The following NIT1 variants were observed in gnomAD, a reference collection of about 807,000 sequenced individuals.
The protein encoded by NIT1 is deaminated glutathione amidase.
A neutral mutation model predicts 36.8 loss-of-function variants in NIT1; 30 were observed. The ratio of observed to expected loss-of-function variants is 0.82; its 90% CI spans 0.61 to 1.11. The LOEUF (loss-of-function observed/expected upper bound fraction) is 1.11. Among genes scored for constraint, NIT1 ranks in the 50% least tolerant of loss-of-function variants. The pLI, the probability that NIT1 is intolerant of heterozygous loss-of-function variation, is 0.00. For synonymous variants in NIT1, 151 were observed against 155.6 expected, an observed-to-expected ratio of 0.97 and a Z score of 0.22; for missense variants, 438 against 410.6, an observed-to-expected ratio of 1.07 and a Z score of -0.58.
In NIT1 at chr1:161,119,556, A is replaced by C; in HGVS notation, c.401A>C (p.Gln134Pro). Residue 134 changes from glutamine (Q) to proline (P), a missense_variant, in exon 4 of 7, where the codon CAA (glutamine) becomes CCA (proline). Physicochemically the swap from Gln to Pro is moderately conservative, Grantham distance 76. Coordinates refer to ENST00000368009, the MANE Select transcript of NIT1 (RefSeq NM_005600.3). ...TTGGGTGGTTTCCATGAGCGTGGCC[A>C]AGACTGGGAGCAGACTCAGAAAATC... ...LSLGGFHERG[Q>P]DWEQTQKIYN... is the part of the protein sequence containing the mutation. 1 of 1,614,182 alleles carries C rather than the reference A, an allele frequency of 6.2e-7. No homozygotes were observed. Among genetic ancestry groups the C allele is most frequent in the Non-Finnish European group, 8.5e-7 (1 of 1,180,038 alleles).
chr1:161,122,024 TAAAAAAA>T, downstream of NIT1: 2 of 1,068,152 alleles, frequency 1.9e-6, no homozygotes, highest in Non-Finnish European at 2.6e-6. The surrounding 1 kb of genome is among the most constrained non-coding windows in gnomAD (Gnocchi z 4.2). Context: ...TCTTTTTCTT[TAAAAAAA>T]AAAAAAAAAA....
At chr1:161,122,171 G>C, downstream of NIT1, 2 of 1,613,724 alleles carry the variant, frequency 1.2e-6, no homozygotes, top group Non-Finnish European at 1.7e-6. The surrounding 1 kb of genome is among the most constrained non-coding windows in gnomAD (Gnocchi z 4.2). Context: ...GCAGCATCAA[G>C]TTCCTCAGGA....
rs1458409049 is a variant in NIT1, at chr1:161,120,245, C to G, written c.717+13C>G. On this transcript the variant is annotated intron_variant, in intron 6 of 6. Coordinates refer to ENST00000368009, the MANE Select transcript of NIT1 (RefSeq NM_005600.3). ...AGCCCACTGGGAGGTAAGATGATGC[C>G]TTTTTAAAACATAAGGGCCTTTTCT... 6.2e-7 allele frequency: 1 copy of G among 1,613,554 alleles called. No individual in the cohort carries two copies.
At chr1:161,124,229 A>G (rs754825051), downstream of NIT1, 2 of 1,614,160 alleles carry the variant, frequency 1.2e-6, no homozygotes, top group African/African-American at 2.7e-5. Flanking sequence ...AGTTACTTTC[A>G]TCACAGCGGC....
chr1:161,124,111 T>G, downstream of NIT1: 1 of 1,597,656 alleles, frequency 6.3e-7, no homozygotes, highest in Non-Finnish European at 8.5e-7. Flanking sequence ...AACTCTTCCC[T>G]GATTCCAGCC....
chr1:161,118,698 G>A, intron 1 of NIT1, 88 bp from the exon 2 acceptor site: 9 of 1,462,742 alleles, frequency 6.2e-6, no homozygotes, highest in Non-Finnish European at 8.6e-6. Flanking sequence ...CCTGATTCAG[G>A]CTCACAGTAT....
chr1:161,122,023 T>G, downstream of NIT1: 2 of 1,162,896 alleles, frequency 1.7e-6, no homozygotes, highest in Non-Finnish European at 1.2e-6. The surrounding 1 kb of genome is among the most constrained non-coding windows in gnomAD (Gnocchi z 4.2). Context: ...GTCTTTTTCT[T>G]TAAAAAAAAA....
At chr1:161,125,442 A>G (rs1047220390), downstream of NIT1, 1 of 152,178 alleles carries the variant, frequency 6.6e-6, no homozygotes, top group Middle Eastern at 3.2e-3. Context: ...AGTTTCTACA[A>G]TAAGCATTCT....
downstream of NIT1, chr1:161,122,041 A>AT: frequency 5.5e-5 from 72 of 1,313,384 alleles, no homozygotes; most frequent in Middle Eastern, 2.8e-4. This position sits in a 1 kb window ranked among gnomAD's most constrained non-coding sequence, Gnocchi z 4.2. Flanking sequence ...AAAAAAAAAA[A>AT]GGCAGGGGTG....
chr1:161,120,083 T>C lies in NIT1; in HGVS notation c.592-24T>C, dbSNP rs751502368. On this transcript the variant is annotated intron_variant, in intron 5 of 6. Coordinates refer to ENST00000368009, the MANE Select transcript of NIT1 (RefSeq NM_005600.3). ...GTGACAAACAGAGCAGGAAGACTAC[T>C]AAGTAGGCTGTTTTTCATTCCAGAT... 1.5e-5 allele frequency: 25 copies of C among 1,613,986 alleles called. No homozygotes were observed. In the Middle Eastern group the frequency reaches 5.0e-4, roughly 32 times the overall value.
In NIT1 at chr1:161,120,768, C is replaced by T. The variant is rs1005089076; in HGVS notation, c.*3C>T. 3 of 1,611,972 alleles carry T rather than the reference C, an allele frequency of 1.9e-6. No homozygotes were observed. The highest frequency in any genetic ancestry group is 2.7e-5 in the African/African-American group (2 of 74,938). ...ATCTGGGTCACCCACTGTCTTAAGA[C>T]TTGACTTCTGTGAGTTTAGACCTGC... On this transcript the variant is annotated 3_prime_UTR_variant, in exon 7 of 7. Transcript: ENST00000368009.
chr1:161,124,504 C>A, downstream of NIT1: 1 of 1,566,372 alleles, frequency 6.4e-7, no homozygotes, highest in South Asian at 1.2e-5. Context: ...AATCCCTGCT[C>A]AGCAGCTGCA....
intron 6 of NIT1, 113 bp from the exon 7 acceptor site, chr1:161,120,386 C>G: frequency 6.9e-7 from 1 of 1,456,334 alleles, no homozygotes; most frequent in Admixed American, 1.9e-5. Context: ...TAAATCATTC[C>G]TAGGCAATTA....
At chr1:161,118,475 GA>G in intron 1 of NIT1, 1 of 1,536,190 alleles carries the variant, frequency 6.5e-7, no homozygotes, top group Middle Eastern at 1.7e-4. Flanking sequence ...AGAGTCTTGG[GA>G]AAACCAAGGA....
chr1:161,124,713 G>T, downstream of NIT1: 1 of 716,850 alleles, frequency 1.4e-6, no homozygotes, highest in Non-Finnish European at 2.0e-6. Flanking sequence ...TGTAATCCCA[G>T]CATTTTGGGA....
chr1:161,121,200 T>C (rs1045081340), downstream of NIT1: 27 of 1,022,466 alleles, frequency 2.6e-5, no homozygotes, highest in Non-Finnish European at 3.2e-5. Context: ...ACTCAGTGCA[T>C]GTCCCAGCCC....
Position 161,119,855 on chromosome 1 carries a change from G to A in NIT1, c.494G>A (p.Cys165Tyr). The A allele has an allele frequency of 6.2e-7, 1 of 1,612,036 alleles. No homozygotes were observed. Among genetic ancestry groups the A allele is most frequent in the East Asian group, 2.2e-5 (1 of 44,864 alleles). Residue 165 changes from cysteine (C) to tyrosine (Y), a missense_variant, in exon 5 of 7, where the codon TGT becomes TAT. Cys to Tyr is a radical substitution (Grantham distance 194). Transcript: ENST00000368009. ...GCCACTTACAGGAAGACACATCTGT[G>A]TGACGTAGAGATTCCAGGGCAGGGG... Reference protein sequence around the residue: ...VVATYRKTHLCDVEIPGQGPM... With the variant: ...VVATYRKTHLYDVEIPGQGPM...
chr1:161,123,014 A>G (rs762918432), downstream of NIT1: 1 of 1,614,196 alleles, frequency 6.2e-7, no homozygotes, highest in Non-Finnish European at 8.5e-7. Context: ...CCAGTGTCCC[A>G]GCAGTTCTTT....
chr1:161,120,917 G>T lies in NIT1; in HGVS notation c.*152G>T. Reference sequence around the variant, plus strand: ...TGATGGAACACAGATGGGCTGCTTGGGAAAGAAACTTTCACCTGAGCTTCA... The same window carrying T: ...TGATGGAACACAGATGGGCTGCTTGTGAAAGAAACTTTCACCTGAGCTTCA... On this transcript the variant is annotated 3_prime_UTR_variant, in exon 7 of 7. Transcript: ENST00000368009. 7.0e-7 allele frequency: 1 copy of T among 1,429,004 alleles called. No individual in the cohort carries two copies. The highest frequency in any genetic ancestry group is 9.1e-7 in the Non-Finnish European group (1 of 1,095,346). The allele number at this position is 1,429,004 out of a possible 1,614,324, so 88.5% of individuals were successfully genotyped here. A position where few individuals can be genotyped will look rare whatever the true frequency, so the allele number is the denominator to read the frequency against.
Sources: gnomAD v4.1 joint callset for allele counts on GRCh38, gnomAD v4.1.1 for gene constraint, Gnocchi (gnomAD v3.1) non-coding constraint, MANE v1.5 for transcripts, NCBI Gene and HGNC (gene_info 2026-07-23, HGNC 2026-07-21) for gene names.